Variants in UTRN observed in about 807,000 individuals in gnomAD.
The protein encoded by UTRN is dystrophin-related protein 1.
In UTRN, 283 loss-of-function variants were observed where a neutral mutation model predicts 463.9. That is an observed-to-expected ratio of 0.61 (90% confidence interval 0.55 to 0.67). The LOEUF is 0.67. UTRN is among the 30% of genes least tolerant of loss of function. UTRN has a pLI of 0.00. For missense variants in UTRN, 3,922 were observed against 4,084.3 expected (o/e 0.96, Z 1.08); for synonymous variants, 1,442 against 1,431.5 (o/e 1.01, Z -0.17).
intron 58 of UTRN, among the ~76,000 whole-genome samples, chr6:144,771,250 A>G (rs557310040): frequency 3.3e-5 from 5 of 152,202 alleles, no homozygotes; most frequent in African/African-American, 1.2e-4. Context: ...GTGTTTTTAC[A>G]ATGTAGTTGC....
chr6:144,824,311 G>T (rs1271666265), intron 66 of UTRN, among the ~76,000 whole-genome samples: 1 of 151,382 alleles, frequency 6.6e-6, no homozygotes, highest in Non-Finnish European at 1.5e-5. Context: ...ATTGAAGAAG[G>T]CAGAAGACAA....
intron 27 of UTRN, 33 bp downstream of exon 27, chr6:144,482,421 T>C: frequency 4.4e-6 from 5 of 1,137,984 alleles, no homozygotes; most frequent in Non-Finnish European, 5.6e-6. Flanking sequence ...GTTATTATTA[T>C]TATTATTATT....
At chr6:144,344,680 G>T (rs936535272) in intron 2 of UTRN, among the ~76,000 whole-genome samples, 3 of 152,214 alleles carry the variant, frequency 2.0e-5, no homozygotes, top group Admixed American at 6.5e-5. Context: ...GTGGTGTTGA[G>T]TATTGGTAGA....
intron 52 of UTRN, among the ~76,000 whole-genome samples, chr6:144,687,142 G>A (rs1298713332): frequency 1.3e-5 from 2 of 152,038 alleles, no homozygotes; most frequent in Non-Finnish European, 2.9e-5. Context: ...GTTTTGGTGA[G>A]TTATCTTATT....
chr6:144,401,550 T>TCACCTCTGAG (rs1389771729), intron 2 of UTRN, among the ~76,000 whole-genome samples: 1 of 152,172 alleles, frequency 6.6e-6, no homozygotes, highest in African/African-American at 2.4e-5. Context: ...TGAAGGAAGG[T>TCACCTCTGAG]CACCTCTGAG....
At chr6:144,327,129 A>G (rs1334588484) in intron 2 of UTRN, among the ~76,000 whole-genome samples, 1 of 152,172 alleles carries the variant, frequency 6.6e-6, no homozygotes, top group Non-Finnish European at 1.5e-5. Context: ...GAAAGCAGAC[A>G]GATCAGGCCG....
intron 11 of UTRN, 133 bp downstream of exon 11, chr6:144,437,879 C>T (rs576468043): frequency 2.3e-5 from 19 of 829,816 alleles, no homozygotes; most frequent in Middle Eastern, 7.6e-4. Flanking sequence ...CTCTTTTCTA[C>T]GGGTAATATT....
At position 144,664,927 on chromosome 6, in the gene UTRN, C is replaced by T. The variant is rs189892826; in HGVS notation, c.7480-13479C>T. On this transcript the variant is annotated intron_variant, in intron 51 of 74. Coordinates refer to ENST00000367545, the MANE Select transcript of UTRN (RefSeq NM_007124.3). ...GATTCCTCATTTTCAAAACCTAAAG[C>T]TCTGGCAGTAATCCTGCTGAGCTCC... is the stretch of plus-strand genomic sequence containing the variant. Among the ~76,000 whole-genome samples, 16 of 151,916 alleles carry T rather than the reference C, an allele frequency of 1.1e-4. No individual in the cohort carries two copies. The East Asian group carries it at 1.4e-3, about 13-fold the overall frequency.
chr6:144,524,899 T>C (rs1796431688), intron 41 of UTRN, among the ~76,000 whole-genome samples: 1 of 152,190 alleles, frequency 6.6e-6, no homozygotes. Flanking sequence ...ATTTTAATCA[T>C]AAAGGGATGC....
chr6:144,609,399 C>T (rs1456343659), intron 51 of UTRN, among the ~76,000 whole-genome samples: 1 of 152,124 alleles, frequency 6.6e-6, no homozygotes, highest in Non-Finnish European at 1.5e-5. Flanking sequence ...TAATTGTAAA[C>T]GCATATGAAT....
At chr6:144,682,611 G>A (rs1168460490) in intron 52 of UTRN, among the ~76,000 whole-genome samples, 1 of 152,076 alleles carries the variant, frequency 6.6e-6, no homozygotes, top group Non-Finnish European at 1.5e-5. Flanking sequence ...CAGTTCACAA[G>A]GGTTCCTTTT....
rs777208309 is a variant in UTRN, at chr6:144,782,062, C to T, written c.8773C>T (p.Leu2925=). The change falls in exon 61 of 75, where the codon CTG becomes TTG. Residue 2925 remains leucine, a synonymous_variant. Coordinates refer to ENST00000367545, the MANE Select transcript of UTRN (RefSeq NM_007124.3). The stretch of plus-strand genomic sequence containing the variant: ...TGGACTTGAGCAAATGCATAAGGAC[C>T]TGGTCAACGTTCCACTCTGTGTTGA... The part of the protein sequence containing the change: ...YDGLEQMHKD[L]VNVPLCVDMC... 1.9e-6 allele frequency: 3 copies of T among 1,613,962 alleles called. No individual in the cohort carries two copies. The highest frequency in any genetic ancestry group is 2.5e-6 in the Non-Finnish European group (3 of 1,179,936).
chr6:144,814,631 A>G (rs977470774), intron 65 of UTRN, among the ~76,000 whole-genome samples: 1 of 152,232 alleles, frequency 6.6e-6, no homozygotes, highest in Non-Finnish European at 1.5e-5. Flanking sequence ...GAACAAAATT[A>G]TATCACTACA....
At chr6:144,757,222 A>T (rs1792090433) in intron 57 of UTRN, among the ~76,000 whole-genome samples, 1 of 148,108 alleles carries the variant, frequency 6.8e-6, no homozygotes, top group African/African-American at 2.5e-5. Flanking sequence ...ATAAGTAAGA[A>T]GTAACTAGAA....
chr6:144,522,825 C>T (rs1380571347), intron 40 of UTRN, among the ~76,000 whole-genome samples, 191 bp from the exon 41 acceptor site: 2 of 151,486 alleles, frequency 1.3e-5, no homozygotes, highest in Non-Finnish European at 2.9e-5. Flanking sequence ...TATTATGTAG[C>T]ATATTCCACA....
In UTRN at chr6:144,444,433, ATCTTTT is replaced by A. The variant is rs778107688; in HGVS notation, c.1614+52_1614+57del. 2.1e-6 allele frequency: 3 copies of A among 1,406,228 alleles called. No individual in the cohort carries two copies. The African/African-American group carries it at 4.3e-5, about 20-fold the overall frequency. The allele number at this position is 1,406,228 out of a possible 1,614,324, so 87.1% of individuals were successfully genotyped here. The stretch of plus-strand genomic sequence containing the variant: ...CAAAATAAATGGTGAAAAGTAACCC[ATCTTTT>A]ATTGTGACTTTAGAATAAAGTTGCC... On this transcript the variant is annotated intron_variant, in intron 14 of 74. Transcript: ENST00000367545.
intron 53 of UTRN, among the ~76,000 whole-genome samples, chr6:144,720,495 G>A (rs1237659738): frequency 6.6e-6 from 1 of 152,184 alleles, no homozygotes; most frequent in Non-Finnish European, 1.5e-5. Flanking sequence ...TCAATAAAGT[G>A]AATTCAGGCT....
intron 19 of UTRN, among the ~76,000 whole-genome samples, chr6:144,458,473 G>A (rs1377097661): frequency 6.6e-6 from 1 of 152,198 alleles, no homozygotes; most frequent in Non-Finnish European, 1.5e-5. Context: ...TAGCAGAGTA[G>A]AAGCATGGCA....
chr6:144,774,152 G>T, intron 59 of UTRN, 138 bp from the exon 60 acceptor site: 1 of 811,712 alleles, frequency 1.2e-6, no homozygotes, highest in Non-Finnish European at 1.9e-6. Flanking sequence ...AATACGTGTT[G>T]GGGAATTTGG....
Sources: allele counts gnomAD v4.1 joint callset (sites outside exome capture counted in the v4.1 genomes callset), GRCh38; gene constraint gnomAD v4.1.1; transcripts MANE v1.5; gene names NCBI Gene and HGNC (gene_info 2026-07-23, HGNC 2026-07-21).